Variants in FAM3C observed in about 807,000 individuals in gnomAD.
FAM3C encodes protein FAM3C.
Under a neutral mutation model 32.5 loss-of-function variants are expected in FAM3C, and 15 were observed. The observed-to-expected ratio is 0.46, with a 90% CI of 0.31 to 0.71. The LOEUF (loss-of-function observed/expected upper bound fraction) is 0.71. Ranked by LOEUF, FAM3C falls within the 30% of genes least tolerant of loss-of-function variation. The pLI is 0.05. For missense variants in FAM3C, 175 were observed against 274.4 expected, an observed-to-expected ratio of 0.64 and a Z score of 2.56; for synonymous variants, 75 against 86.1, an observed-to-expected ratio of 0.87 and a Z score of 0.72.
intron 7 of FAM3C, 54 bp downstream of exon 7, chr7:121,362,843 G>C: frequency 1.1e-6 from 1 of 902,840 alleles, no homozygotes; most frequent in Middle Eastern, 2.1e-4. Context: ...ACATTGTATT[G>C]AGGTGATTAA....
chr7:121,377,761 T>C (rs1266612946), intron 3 of FAM3C, among the ~76,000 whole-genome samples: 1 of 152,222 alleles, frequency 6.6e-6, no homozygotes, highest in African/African-American at 2.4e-5. Flanking sequence ...ATACTTATCA[T>C]TGTGTTCAAC....
At chr7:121,378,805 A>G in intron 3 of FAM3C, 105 bp downstream of exon 3, 1 of 523,140 alleles carries the variant, frequency 1.9e-6, no homozygotes, top group Middle Eastern at 5.1e-4. Context: ...GATATATAAT[A>G]ATCACATTTC....
chr7:121,381,215 T>C (rs1794345371), intron 2 of FAM3C, among the ~76,000 whole-genome samples: 1 of 152,164 alleles, frequency 6.6e-6, no homozygotes, highest in African/African-American at 2.4e-5. Context: ...AATATCAGTG[T>C]GCTCCAGTTT....
chr7:121,382,105 G>A (rs1794368896), intron 2 of FAM3C, among the ~76,000 whole-genome samples: 1 of 152,104 alleles, frequency 6.6e-6, no homozygotes, highest in Non-Finnish European at 1.5e-5. Context: ...AAATTTCCAT[G>A]TAAAGTATGC....
chr7:121,362,001 A>C (rs577506625), intron 7 of FAM3C, among the ~76,000 whole-genome samples: 2 of 152,272 alleles, frequency 1.3e-5, no homozygotes, highest in East Asian at 3.9e-4. Context: ...TACAAGCTGA[A>C]GATATGTTGG....
chr7:121,364,386 A>G (rs1177074778), intron 5 of FAM3C, 198 bp from the exon 6 acceptor site: 2 of 475,508 alleles, frequency 4.2e-6, no homozygotes, highest in African/African-American at 2.0e-5. Context: ...ATGTCCTTAA[A>G]TAATATTTCA....
At chr7:121,386,692 C>CATAT (rs60030100) in intron 1 of FAM3C, among the ~76,000 whole-genome samples, 117 of 147,256 alleles carry the variant, frequency 7.9e-4, no homozygotes, top group South Asian at 6.9e-3. Context: ...CACACGCACA[C>CATAT]ATATATATAT....
intron 4 of FAM3C, among the ~76,000 whole-genome samples, chr7:121,371,865 A>G (rs1488070976): frequency 1.3e-5 from 2 of 152,150 alleles, no homozygotes; most frequent in Non-Finnish European, 1.5e-5. Flanking sequence ...GCCCATGTAC[A>G]CTCTTAACTC....
rs145851728 is a variant in FAM3C, at chr7:121,358,596, C to G, written c.467+1447G>C. On this transcript the variant is annotated intron_variant, in intron 8 of 9. Coordinates refer to ENST00000359943, the MANE Select transcript of FAM3C (RefSeq NM_014888.3). ...AACAGGTCAAGTGAATGGAACAGAA[C>G]AGAAATTCCAGAGATAAAGCCAAAT... Among the ~76,000 whole-genome samples, 123 of 152,070 alleles carry G rather than the reference C, an allele frequency of 8.1e-4. 2 individuals are homozygous for G. The highest frequency in any genetic ancestry group is 2.9e-3 in the African/African-American group (119 of 41,528).
intron 8 of FAM3C, among the ~76,000 whole-genome samples, chr7:121,353,026 T>C (rs1437758754): frequency 6.6e-6 from 1 of 152,132 alleles, no homozygotes; most frequent in Non-Finnish European, 1.5e-5. Context: ...CAGAGAGGCT[T>C]TGGGGTTCCA....
intron 1 of FAM3C, among the ~76,000 whole-genome samples, chr7:121,388,064 A>G (rs1198857142): frequency 6.6e-6 from 1 of 152,132 alleles, no homozygotes; most frequent in Admixed American, 6.6e-5. Context: ...ACTCAGTAGG[A>G]TATCTGAGCT....
intron 3 of FAM3C, 23 bp from the exon 4 acceptor site, chr7:121,372,162 GT>G: frequency 6.3e-7 from 1 of 1,577,946 alleles, no homozygotes. Flanking sequence ...AATTACTTTT[GT>G]TAGAAGGAAT....
chr7:121,393,801 A>G (rs1246836019), intron 1 of FAM3C, among the ~76,000 whole-genome samples: 1 of 152,230 alleles, frequency 6.6e-6, no homozygotes, highest in African/African-American at 2.4e-5. Flanking sequence ...CAGATTAAAA[A>G]GGACTGCATG....
intron 5 of FAM3C, among the ~76,000 whole-genome samples, chr7:121,367,005 C>T (rs1285940453): frequency 6.6e-6 from 1 of 152,108 alleles, no homozygotes; most frequent in Non-Finnish European, 1.5e-5. Flanking sequence ...AACAAAGAAG[C>T]ACAATGACAT....
intron 8 of FAM3C, among the ~76,000 whole-genome samples, chr7:121,354,274 C>T (rs979723584): frequency 6.6e-6 from 1 of 152,122 alleles, no homozygotes; most frequent in Non-Finnish European, 1.5e-5. Flanking sequence ...GAGTTTGTTA[C>T]ATATATTTTA....
At chr7:121,376,122 T>A (rs908181885) in intron 3 of FAM3C, among the ~76,000 whole-genome samples, 1 of 152,180 alleles carries the variant, frequency 6.6e-6, no homozygotes, top group Non-Finnish European at 1.5e-5. Flanking sequence ...AGGCTGGCTA[T>A]CAGGTAGTAA....
intron 1 of FAM3C, among the ~76,000 whole-genome samples, chr7:121,393,361 G>A (rs1411114528): frequency 2.0e-5 from 3 of 152,140 alleles, no homozygotes; most frequent in Non-Finnish European, 2.9e-5. Flanking sequence ...CACAGGCTAA[G>A]GTGGAGTTCA....
Position 121,390,880 on chromosome 7 carries a change from G to A in FAM3C, c.-42+5282C>T, listed in dbSNP as rs112267207. 1.2e-3 allele frequency among the ~76,000 whole-genome samples: 108 copies of A among 90,038 alleles called. 1 individual carries two copies. The highest frequency in any genetic ancestry group is 3.6e-3 in the African/African-American group (102 of 27,970). The allele number at this position is 90,038 out of a possible 152,430, so 59.1% of individuals were successfully genotyped here. On this transcript the variant is annotated intron_variant, in intron 1 of 9. Coordinates refer to ENST00000359943, the MANE Select transcript of FAM3C (RefSeq NM_014888.3). Reference sequence around the variant, plus strand: ...GGGGGGGGGGGGGGGGGGAAGGTAAGGCAGATCTAAACCAAAAAAGTTCAA... The same window carrying A: ...GGGGGGGGGGGGGGGGGGAAGGTAAAGCAGATCTAAACCAAAAAAGTTCAA...
chr7:121,383,519 C>T (rs1054043106), intron 1 of FAM3C, among the ~76,000 whole-genome samples: 2 of 152,044 alleles, frequency 1.3e-5, no homozygotes, highest in Admixed American at 6.6e-5. Flanking sequence ...CAAGGGCTTC[C>T]GATTTCAATA....
Sources: gnomAD v4.1 joint callset for allele counts (sites outside exome capture counted in the v4.1 genomes callset) on GRCh38, gnomAD v4.1.1 for gene constraint, MANE v1.5 for transcripts, NCBI Gene and HGNC (gene_info 2026-07-23, HGNC 2026-07-21) for gene names.